The following FLT1 variants were observed in gnomAD, a reference collection of about 807,000 sequenced individuals.
FLT1 encodes the protein vascular endothelial growth factor receptor 1.
FLT1 carries 49 observed loss-of-function variants against 156.3 expected under a neutral mutation model. The observed-to-expected ratio is 0.31, with a 90% CI of 0.25 to 0.40. The LOEUF (loss-of-function observed/expected upper bound fraction) is 0.40. Ranked by LOEUF, FLT1 falls within the 10% of genes least tolerant of loss-of-function variation. The probability of loss-of-function intolerance (pLI) is 1.00; values close to 1 mark genes in which losing one functional copy is unlikely to be tolerated. For synonymous variants in FLT1, 594 were observed against 583.8 expected, an observed-to-expected ratio of 1.02 and a Z score of -0.25; for missense variants, 1,322 against 1,637.2, an observed-to-expected ratio of 0.81 and a Z score of 3.32.
At chr13:28,481,450 C>T (rs941537463) in intron 1 of FLT1, among the ~76,000 whole-genome samples, 7 of 150,172 alleles carry the variant, frequency 4.7e-5, no homozygotes, top group African/African-American at 1.5e-4. Flanking sequence ...TATACACACA[C>T]ACACACACAC....
intron 25 of FLT1, among the ~76,000 whole-genome samples, chr13:28,316,157 G>A (rs9513075): frequency 0.69 from 104,492 of 152,168 alleles, 39,066 homozygotes; most frequent in East Asian, 1. Context: ...GCTTCCCTAC[G>A]CTCAGGCAGA....
chr13:28,345,092 C>T (rs924269525), intron 16 of FLT1, among the ~76,000 whole-genome samples: 2 of 152,098 alleles, frequency 1.3e-5, no homozygotes, highest in Non-Finnish European at 2.9e-5. Context: ...CATGTACCAC[C>T]GTGCCCAGTC....
chr13:28,346,900 G>C (rs113912252), intron 15 of FLT1, among the ~76,000 whole-genome samples: 1 of 152,134 alleles, frequency 6.6e-6, no homozygotes. Context: ...TCATACATGA[G>C]CACTTCATCT....
At position 28,311,541 on chromosome 13, in the gene FLT1, T is replaced by C. The variant is rs1566279503; in HGVS notation, c.3635+49A>G. 2.0e-6 allele frequency: 3 copies of C among 1,508,398 alleles called. No homozygotes were observed. In the East Asian group the frequency reaches 6.8e-5, roughly 34 times the overall value. The allele number at this position is 1,508,398 out of a possible 1,614,324, so 93.4% of individuals were successfully genotyped here. On this transcript the variant is annotated intron_variant, in intron 27 of 29. Coordinates refer to ENST00000282397, the MANE Select transcript of FLT1 (RefSeq NM_002019.4). The stretch of plus-strand genomic sequence containing the variant: ...TCTCTTTCGTCTTTCTTTCCTTCTT[T>C]TTTTTGTTGGAAAATTCTGTGATAT...
intron 14 of FLT1, chr13:28,368,497 G>T (rs146777349): frequency 1.3e-6 from 2 of 1,531,382 alleles, no homozygotes; most frequent in South Asian, 1.2e-5. Flanking sequence ...TAAAGGATAA[G>T]TTCTTTGAAG....
chr13:28,388,488 A>G (rs914514013), intron 13 of FLT1: 1 of 1,038,940 alleles, frequency 9.6e-7, no homozygotes. Flanking sequence ...CAAGTCACAT[A>G]TAATGATCAA....
In FLT1 at chr13:28,434,142, T is replaced by C. The variant is rs1877884084; in HGVS notation, c.592A>G (p.Thr198Ala). The change falls in exon 5 of 30, where the codon ACG (threonine) becomes GCG (alanine). Residue 198 changes from threonine to alanine, a missense_variant. Physicochemically the swap from Thr to Ala is moderately conservative, Grantham distance 58. Around this residue, in one of 3 missense-constraint regions of FLT1, gnomAD observed 991 missense variants for 1,254.8 expected, o/e 0.79. Transcript: ENST00000282397. ...GTCAGAAGCCCTATTTCTTTGTACG[T>C]TGCATTTGATATGATGAAGCCCTTT... ...SRKGFIISNATYKEIGLLTCE... is the reference protein window; with the variant it reads ...SRKGFIISNAAYKEIGLLTCE... The C allele has an allele frequency of 6.2e-7, 1 of 1,614,120 alleles. No individual in the cohort carries two copies. The highest frequency in any genetic ancestry group is 8.5e-7 in the Non-Finnish European group (1 of 1,179,978).
chr13:28,359,721 G>T (rs117231241), intron 14 of FLT1, among the ~76,000 whole-genome samples: 1 of 152,012 alleles, frequency 6.6e-6, no homozygotes, highest in Non-Finnish European at 1.5e-5. Flanking sequence ...TTAAAAATGG[G>T]CAAAGAAATC....
chr13:28,323,998 C>T (rs987124457), intron 20 of FLT1, among the ~76,000 whole-genome samples: 7 of 152,208 alleles, frequency 4.6e-5, no homozygotes, highest in African/African-American at 1.7e-4. Flanking sequence ...TTCCATTAAT[C>T]ATGCGATCTT....
At chr13:28,354,475 T>G (rs1306502614) in intron 15 of FLT1, among the ~76,000 whole-genome samples, 1 of 152,192 alleles carries the variant, frequency 6.6e-6, no homozygotes, top group East Asian at 1.9e-4. Flanking sequence ...TCCTAAACTA[T>G]TTCAAGAAAA....
In FLT1 at chr13:28,405,629, T is replaced by C. The variant is rs1033852130; in HGVS notation, c.1551+151A>G. ...AGCTTGAGTAGTCTCTGTGTGTATC[T>C]CCATGAAGACATAGCTCAGATATTG... On this transcript the variant is annotated intron_variant, in intron 11 of 29. Coordinates refer to ENST00000282397, the MANE Select transcript of FLT1 (RefSeq NM_002019.4). 3 of 670,646 alleles carry C rather than the reference T, an allele frequency of 4.5e-6. No individual in the cohort carries two copies. The African/African-American group carries it at 5.3e-5, about 12-fold the overall frequency. The allele number at this position is 670,646 out of a possible 1,614,324, so 41.5% of individuals were successfully genotyped here.
At chr13:28,334,727 C>T (rs909865723) in intron 17 of FLT1, among the ~76,000 whole-genome samples, 9 of 152,204 alleles carry the variant, frequency 5.9e-5, no homozygotes, top group Admixed American at 1.3e-4. Context: ...CCTGGTCAAC[C>T]ACTGGTAGTG....
chr13:28,389,629 G>A (rs1424282333), intron 13 of FLT1, 167 bp downstream of exon 13: 17 of 1,474,900 alleles, frequency 1.2e-5, no homozygotes, highest in South Asian at 4.3e-5. Context: ...CATCTCCTCC[G>A]AGCCTGAAAG....
At chr13:28,377,238 C>T (rs1459164290) in intron 14 of FLT1, among the ~76,000 whole-genome samples, 3 of 152,180 alleles carry the variant, frequency 2.0e-5, no homozygotes, top group Non-Finnish European at 4.4e-5. Flanking sequence ...CCAGTTGCTT[C>T]TTTACTCAGT....
chr13:28,390,010 T>C lies in FLT1; in HGVS notation c.1755A>G (p.Arg585=). 1.2e-6 allele frequency: 2 copies of C among 1,614,212 alleles called. No homozygotes were observed. The highest frequency in any genetic ancestry group is 4.5e-5 in the East Asian group (2 of 44,882). ...LSCTVNKFLY[R]DVTWILLRTV... The stretch of plus-strand genomic sequence containing the variant: ...TCCGCAGTAAAATCCAAGTAACGTC[T>C]CTGTATAAGAACTTGTTAACTGTGC... Residue 585 remains arginine, a synonymous_variant, in exon 13 of 30, where the codon AGA becomes AGG. Transcript: ENST00000282397.
At chr13:28,306,843 A>T in intron 28 of FLT1, 71 bp from the exon 29 acceptor site, 1 of 945,792 alleles carries the variant, frequency 1.1e-6, no homozygotes. Context: ...CTGAGGGATG[A>T]TCCTGGGATA....
intron 1 of FLT1, among the ~76,000 whole-genome samples, chr13:28,478,026 T>C (rs1020863989): frequency 2.6e-5 from 4 of 152,242 alleles, no homozygotes; most frequent in African/African-American, 4.8e-5. Context: ...TTTTTATCAA[T>C]TTGTGCATCC....
At chr13:28,450,090 C>A (rs1280198046) in intron 3 of FLT1, among the ~76,000 whole-genome samples, 1 of 152,118 alleles carries the variant, frequency 6.6e-6, no homozygotes, top group Non-Finnish European at 1.5e-5. Flanking sequence ...AAGATTGAAG[C>A]AAGCAAGAAA....
Position 28,427,209 on chromosome 13 carries a change from A to G in FLT1, c.1386T>C (p.Pro462=). Residue 462 remains proline, a synonymous_variant, in exon 10 of 30, where the codon CCT becomes CCC. Transcript: ENST00000282397. The part of the protein sequence containing the change: ...LTCTAYGIPQ[P]TIKWFWHPCN... ...AGGGGTGCCAGAACCACTTGATTGT[A>G]GGTTGAGGGATACCATATGCGGTAC... The G allele has an allele frequency of 6.2e-7, 1 of 1,614,058 alleles. No homozygotes were observed. Among genetic ancestry groups the G allele is most frequent in the Non-Finnish European group, 8.5e-7 (1 of 1,179,924 alleles).
Sources: allele counts gnomAD v4.1 joint callset (sites outside exome capture counted in the v4.1 genomes callset), GRCh38; gene constraint gnomAD v4.1.1; regional missense constraint gnomAD v4.1.1; transcripts MANE v1.5; gene names NCBI Gene and HGNC (gene_info 2026-07-23, HGNC 2026-07-21).